The following PGCKA1 variants were observed in gnomAD, a reference collection of about 807,000 sequenced individuals.
The protein encoded by PGCKA1 is PDCD10 and GCKIII kinases associated 1.
chr4:37,519,843 C>G, the PGCKA1 span, among the ~76,000 whole-genome samples: 1 of 152,116 alleles, frequency 6.6e-6, no homozygotes, highest in African/African-American at 2.4e-5. Flanking sequence ...TATTCCAGTT[C>G]TTAGAAGAAA....
chr4:37,459,007 G>T, the PGCKA1 span, among the ~76,000 whole-genome samples: 1 of 152,178 alleles, frequency 6.6e-6, no homozygotes, highest in Non-Finnish European at 1.5e-5. Context: ...GGTGAGTGAT[G>T]AATCCAACAC....
the PGCKA1 span, among the ~76,000 whole-genome samples, chr4:37,538,067 TCACACACACACA>T: frequency 6.7e-6 from 1 of 150,104 alleles, no homozygotes; most frequent in Non-Finnish European, 1.5e-5. Flanking sequence ...CACAACCCTG[TCACACACACACA>T]CACACACGCA....
At chr4:37,592,280 G>C in the PGCKA1 span, among the ~76,000 whole-genome samples, 3 of 149,926 alleles carry the variant, frequency 2.0e-5, no homozygotes, top group African/African-American at 7.4e-5. Flanking sequence ...ACTTTGGAAG[G>C]CTGAGGTGAG....
the PGCKA1 span, among the ~76,000 whole-genome samples, chr4:37,573,362 A>C: frequency 6.6e-6 from 1 of 152,152 alleles, no homozygotes; most frequent in African/African-American, 2.4e-5. Flanking sequence ...ACAGACAAGG[A>C]CTCTGTGAGC....
the PGCKA1 span, among the ~76,000 whole-genome samples, chr4:37,515,868 T>G: frequency 6.6e-6 from 1 of 152,240 alleles, no homozygotes; most frequent in Non-Finnish European, 1.5e-5. Context: ...AAGAGCAATG[T>G]TTGGCAATCT....
the PGCKA1 span, chr4:37,588,925 A>C: frequency 6.3e-7 from 1 of 1,587,736 alleles, no homozygotes; most frequent in Non-Finnish European, 8.7e-7. Flanking sequence ...TACTACTTCT[A>C]AATGGAGGAA....
the PGCKA1 span, among the ~76,000 whole-genome samples, chr4:37,453,333 C>T: frequency 2.6e-5 from 4 of 151,878 alleles, no homozygotes; most frequent in Admixed American, 1.3e-4. Flanking sequence ...GAGGAGGGGA[C>T]GGGGAACCAG....
At chr4:37,497,105 C>A in the PGCKA1 span, among the ~76,000 whole-genome samples, 2 of 152,092 alleles carry the variant, frequency 1.3e-5, no homozygotes, top group Admixed American at 1.3e-4. Flanking sequence ...CCCTCCAAGT[C>A]CCCAAAGTCC....
chr4:37,540,481 CT>C, the PGCKA1 span, among the ~76,000 whole-genome samples: 1 of 152,158 alleles, frequency 6.6e-6, no homozygotes, highest in Non-Finnish European at 1.5e-5. Flanking sequence ...TAGGATTTTT[CT>C]TTTTTCTGTG....
the PGCKA1 span, among the ~76,000 whole-genome samples, chr4:37,482,811 C>G: frequency 6.6e-6 from 1 of 152,116 alleles, no homozygotes; most frequent in Non-Finnish European, 1.5e-5. Context: ...GACATGGTGC[C>G]CTGTATCTCA....
the PGCKA1 span, among the ~76,000 whole-genome samples, chr4:37,521,178 T>C: frequency 6.6e-6 from 1 of 152,210 alleles, no homozygotes; most frequent in South Asian, 2.1e-4. Context: ...TTTCTCCATT[T>C]TTTGCTGCAG....
the PGCKA1 span, among the ~76,000 whole-genome samples, chr4:37,512,657 T>C: frequency 2.0e-5 from 3 of 152,012 alleles, no homozygotes; most frequent in African/African-American, 7.2e-5. Context: ...GGTTTCTCCA[T>C]GTTGGCCAGG....
chr4:37,501,486 G>C, the PGCKA1 span, among the ~76,000 whole-genome samples: 2 of 152,164 alleles, frequency 1.3e-5, no homozygotes, highest in Admixed American at 6.5e-5. Flanking sequence ...CCTCACCCCT[G>C]GTTGTGGAAA....
chr4:37,467,126 G>C, the PGCKA1 span, among the ~76,000 whole-genome samples: 3 of 152,140 alleles, frequency 2.0e-5, no homozygotes, highest in African/African-American at 7.2e-5. Flanking sequence ...TGTAGATACA[G>C]TGCAGTACTC....
the PGCKA1 span, among the ~76,000 whole-genome samples, chr4:37,499,775 A>C: frequency 2.6e-5 from 4 of 151,492 alleles, no homozygotes; most frequent in Admixed American, 2.0e-4. Context: ...GACATTTTGA[A>C]TGGTTTTTCA....
the PGCKA1 span, among the ~76,000 whole-genome samples, chr4:37,495,737 A>T: frequency 2.6e-5 from 4 of 152,166 alleles, 1 homozygote; most frequent in Admixed American, 2.6e-4. Flanking sequence ...GGATAGCATT[A>T]GGAGAAATAT....
chr4:37,457,759 A>G, the PGCKA1 span, among the ~76,000 whole-genome samples: 1 of 152,228 alleles, frequency 6.6e-6, no homozygotes, highest in Non-Finnish European at 1.5e-5. Context: ...CTGCACCTTC[A>G]AATTGTTGTT....
chr4:37,543,494 A>G, the PGCKA1 span, among the ~76,000 whole-genome samples: 1 of 152,004 alleles, frequency 6.6e-6, no homozygotes, highest in Non-Finnish European at 1.5e-5. Context: ...TCCATGTTGT[A>G]TAAATCTTTA....
chr4:37,465,101 G>T, the PGCKA1 span, among the ~76,000 whole-genome samples: 1 of 152,052 alleles, frequency 6.6e-6, no homozygotes, highest in African/African-American at 2.4e-5. Context: ...AGAGAGGGCC[G>T]TGGCCTCACT....
Sources: gnomAD v4.1 joint callset for allele counts (sites outside exome capture counted in the v4.1 genomes callset) on GRCh38, gnomAD v4.1.1 for gene constraint, MANE v1.5 for transcripts, NCBI Gene and HGNC (gene_info 2026-07-23, HGNC 2026-07-21) for gene names.